RHEX: variants seen among roughly 807,000 people sequenced by gnomAD.
RHEX encodes regulator of hemoglobinization and erythroid cell expansion protein.
In RHEX, 18 loss-of-function variants were observed where a neutral mutation model predicts 20.1. The ratio of observed to expected loss-of-function variants is 0.90; its 90% CI spans 0.62 to 1.33. The LOEUF is 1.33. RHEX is among the 40% of genes most tolerant of loss of function. The pLI is 0.00. For synonymous variants in RHEX, 87 were observed against 77.1 expected (o/e 1.13, Z -0.67); for missense variants, 192 against 214.3 (o/e 0.90, Z 0.65).
At chr1:206,059,100 G>C (rs1368127892) in intron 1 of RHEX, among the ~76,000 whole-genome samples, 1 of 152,090 alleles carries the variant, frequency 6.6e-6, no homozygotes, top group Non-Finnish European at 1.5e-5. Flanking sequence ...GGAGACCCAA[G>C]TTCCCTTCTC....
At chr1:206,063,908 A>G (rs1662357953) in intron 1 of RHEX, among the ~76,000 whole-genome samples, 1 of 148,076 alleles carries the variant, frequency 6.8e-6, no homozygotes, top group Non-Finnish European at 1.5e-5. Flanking sequence ...GAAAGTGAGG[A>G]GCGTCTCTGC....
intron 3 of RHEX, among the ~76,000 whole-genome samples, chr1:206,099,378 G>T (rs1553288109): frequency 6.6e-6 from 1 of 151,828 alleles, no homozygotes; most frequent in Non-Finnish European, 1.5e-5. Context: ...GAGTGCAGTG[G>T]CACAGTCTCG....
chr1:206,079,968 A>G (rs1662705760), intron 1 of RHEX, among the ~76,000 whole-genome samples: 1 of 152,232 alleles, frequency 6.6e-6, no homozygotes, highest in Admixed American at 6.5e-5. Flanking sequence ...CAGAAAAGAA[A>G]GCAAAGTGGC....
At chr1:206,099,512 T>C in intron 3 of RHEX, 143 bp from the exon 4 acceptor site, 1 of 669,540 alleles carries the variant, frequency 1.5e-6, no homozygotes, top group South Asian at 2.0e-5. Context: ...AGAGATGGGG[T>C]TTCACCATGT....
rs577272337 is a variant in RHEX, at chr1:206,059,283, G to C, written c.-97+6018G>C. 3.9e-5 allele frequency among the ~76,000 whole-genome samples: 6 copies of C among 152,270 alleles called. No homozygotes were observed. In the East Asian group the frequency reaches 1.2e-3, roughly 29 times the overall value. On this transcript the variant is annotated intron_variant, in intron 1 of 5. Transcript: ENST00000331555. ...TCCAGTAGCTGTCAAAGGGAAACTTGGTGAGGTCAGCTCTCTCACTCAGAA... is the reference window on the plus strand; with the variant it reads ...TCCAGTAGCTGTCAAAGGGAAACTTCGTGAGGTCAGCTCTCTCACTCAGAA...
chr1:206,065,821 G>A (rs1469127913), intron 1 of RHEX, among the ~76,000 whole-genome samples: 6 of 152,240 alleles, frequency 3.9e-5, no homozygotes, highest in African/African-American at 1.4e-4. Context: ...GTCTGGTCTT[G>A]GTGATAGGGT....
chr1:206,053,577 C>T (rs1360739720), intron 1 of RHEX, among the ~76,000 whole-genome samples: 2 of 151,910 alleles, frequency 1.3e-5, no homozygotes, highest in Non-Finnish European at 2.9e-5. Flanking sequence ...ATAAGCCCAC[C>T]CCACTAGGAA....
At chr1:206,076,529 G>A (rs1662640293) in intron 1 of RHEX, among the ~76,000 whole-genome samples, 1 of 152,166 alleles carries the variant, frequency 6.6e-6, no homozygotes, top group Non-Finnish European at 1.5e-5. Flanking sequence ...CCCACGGCAG[G>A]GAAGTCGGAC....
intron 1 of RHEX, among the ~76,000 whole-genome samples, chr1:206,072,934 C>T (rs1662564248): frequency 6.6e-6 from 1 of 150,492 alleles, no homozygotes; most frequent in Admixed American, 6.7e-5. Flanking sequence ...TGGACTCAAG[C>T]AATCCCCCTC....
chr1:206,096,815 C>T (rs1317133645), intron 1 of RHEX, among the ~76,000 whole-genome samples: 1 of 139,758 alleles, frequency 7.2e-6, no homozygotes, highest in Non-Finnish European at 1.5e-5. Context: ...TGCTCTGTAA[C>T]CCAGGCTGGA....
intron 1 of RHEX, 178 bp from the exon 2 acceptor site, chr1:206,097,555 T>A: frequency 1.9e-6 from 1 of 536,218 alleles, no homozygotes; most frequent in Non-Finnish European, 3.3e-6. Context: ...TGCACTTTAC[T>A]CATCAAGGTT....
At chr1:206,073,572 C>T (rs967505102) in intron 1 of RHEX, among the ~76,000 whole-genome samples, 2 of 152,122 alleles carry the variant, frequency 1.3e-5, no homozygotes, top group South Asian at 2.1e-4. Flanking sequence ...TGTTGGGCTT[C>T]GGAGTCTGAG....
intron 5 of RHEX, 111 bp downstream of exon 5, chr1:206,101,308 G>C: frequency 2.3e-6 from 2 of 869,680 alleles, no homozygotes; most frequent in Non-Finnish European, 3.7e-6. Flanking sequence ...CAAGAAAAGA[G>C]GGTTTCTTGA....
intron 5 of RHEX, among the ~76,000 whole-genome samples, 184 bp from the exon 6 acceptor site, chr1:206,101,568 T>C (rs563357036): frequency 1.3e-5 from 2 of 152,244 alleles, no homozygotes; most frequent in South Asian, 4.2e-4. Context: ...TGCAGACAGG[T>C]GGAACAAAGT....
intron 1 of RHEX, among the ~76,000 whole-genome samples, chr1:206,069,477 TA>T (rs1553284456): frequency 6.6e-6 from 1 of 152,140 alleles, no homozygotes; most frequent in Non-Finnish European, 1.5e-5. Context: ...CCAATAACAG[TA>T]GAATGAACAC....
At chr1:206,061,455 C>T (rs534359920) in intron 1 of RHEX, 7 of 152,374 alleles carry the variant, frequency 4.6e-5, no homozygotes, top group African/African-American at 1.7e-4. Context: ...TGGCTGCTTC[C>T]TTACCTAGAC....
intron 1 of RHEX, among the ~76,000 whole-genome samples, chr1:206,066,775 T>C (rs887100288): frequency 1.3e-5 from 2 of 152,286 alleles, no homozygotes; most frequent in Admixed American, 1.3e-4. Flanking sequence ...CTTATAAATA[T>C]TTATGAAGGG....
At chr1:206,082,121 T>C (rs1212738350) in intron 1 of RHEX, among the ~76,000 whole-genome samples, 1 of 152,168 alleles carries the variant, frequency 6.6e-6, no homozygotes, top group African/African-American at 2.4e-5. Flanking sequence ...ACTGCAGCAA[T>C]AGACGTAGTT....
intron 1 of RHEX, among the ~76,000 whole-genome samples, chr1:206,096,443 C>T (rs1663070268): frequency 1.1e-4 from 16 of 152,242 alleles, no homozygotes; most frequent in Admixed American, 9.8e-4. Context: ...TAGCCCCCTT[C>T]CACAATTTTC....
Sources: allele counts gnomAD v4.1 joint callset (sites outside exome capture counted in the v4.1 genomes callset), GRCh38; gene constraint gnomAD v4.1.1; transcripts MANE v1.5; gene names NCBI Gene and HGNC (gene_info 2026-07-23, HGNC 2026-07-21).